The following TRPC5 variants were observed in gnomAD, a reference collection of about 807,000 sequenced individuals.
TRPC5 encodes the protein short transient receptor potential channel 5.
A neutral mutation model predicts 56.5 loss-of-function variants in TRPC5; 9 were observed. The observed-to-expected ratio is 0.16, with a 90% CI of 0.10 to 0.28. TRPC5 has a LOEUF of 0.28. TRPC5 is among the 10% of genes least tolerant of loss of function. The probability of loss-of-function intolerance (pLI) is 1.00; values close to 1 mark genes in which losing one functional copy is unlikely to be tolerated. For missense variants in TRPC5, 469 were observed against 748.9 expected (o/e 0.63, Z 4.36); for synonymous variants, 282 against 278.5 (o/e 1.01, Z -0.13).
rs188091210 is a variant in TRPC5 at position 111,894,247 on chromosome X, G to A, written c.900+18044C>T. Among the ~76,000 whole-genome samples the A allele has an allele frequency of 3.5e-3, 388 of 111,735 alleles. 2 individuals carry two copies. The highest frequency in any genetic ancestry group is 0.012 in the African/African-American group (379 of 30,810). On this transcript the variant is annotated intron_variant, in intron 3 of 10. Transcript: ENST00000262839. ...TATAAAGATAGACCCAGAGGATTTG[G>A]ATTTCTTTGCTCCTTTTCCATCCTA...
intron 7 of TRPC5, among the ~76,000 whole-genome samples, chrX:111,826,019 A>G (rs1922225489): frequency 1.8e-5 from 2 of 112,243 alleles, no homozygotes; most frequent in Admixed American, 1.9e-4. Flanking sequence ...TAGACCTGAG[A>G]GTAAGCAGCA....
chrX:111,794,249 G>C (rs995546679), intron 7 of TRPC5, among the ~76,000 whole-genome samples: 1 of 111,464 alleles, frequency 9.0e-6, no homozygotes, highest in Non-Finnish European at 1.9e-5. Context: ...AATCAGTTGG[G>C]GATATTTGTG....
chrX:112,074,961 C>G (rs1320480776), intron 1 of TRPC5, among the ~76,000 whole-genome samples: 2 of 112,229 alleles, frequency 1.8e-5, no homozygotes, highest in Non-Finnish European at 3.7e-5. Context: ...ATGTGAAAAT[C>G]CTCTCTTTTG....
At chrX:111,954,637 C>T (rs1033446966) in intron 1 of TRPC5, among the ~76,000 whole-genome samples, 1 of 111,916 alleles carries the variant, frequency 8.9e-6, no homozygotes, top group Non-Finnish European at 1.9e-5. Context: ...TGGTCTTGAA[C>T]ACTTGCTGCC....
At chrX:111,998,102 G>T (rs956243767) in intron 1 of TRPC5, among the ~76,000 whole-genome samples, 1 of 111,103 alleles carries the variant, frequency 9.0e-6, no homozygotes, top group Non-Finnish European at 1.9e-5. Context: ...CAGCTTTTCT[G>T]CTCTGGTCTC....
At chrX:112,056,724 C>G (rs1930348746) in intron 1 of TRPC5, among the ~76,000 whole-genome samples, 1 of 112,026 alleles carries the variant, frequency 8.9e-6, no homozygotes, top group Admixed American at 9.5e-5. Flanking sequence ...GGCATATGTT[C>G]ACTCTAACTC....
intron 1 of TRPC5, among the ~76,000 whole-genome samples, chrX:111,959,872 A>T (rs1007345998): frequency 4.5e-5 from 5 of 111,590 alleles, no homozygotes; most frequent in Non-Finnish European, 7.5e-5. Flanking sequence ...GTATCATATT[A>T]TAAGTGGTAA....
At chrX:112,001,919 C>T (rs903608171) in intron 1 of TRPC5, among the ~76,000 whole-genome samples, 18 of 111,971 alleles carry the variant, frequency 1.6e-4, no homozygotes, top group African/African-American at 5.5e-4. Context: ...TCTTTTCTCT[C>T]GCACGTCACG....
intron 1 of TRPC5, among the ~76,000 whole-genome samples, chrX:111,963,561 G>A (rs1314683143): frequency 3.6e-5 from 4 of 112,048 alleles, no homozygotes; most frequent in African/African-American, 1.3e-4. Flanking sequence ...AAGCCTAACT[G>A]GGAGGCACCC....
chrX:111,927,149 C>A (rs145584666), intron 2 of TRPC5, among the ~76,000 whole-genome samples: 2,731 of 111,889 alleles, frequency 0.024, 96 homozygotes, highest in African/African-American at 0.084. Flanking sequence ...TTGTGGGGAG[C>A]CATCCTGTTC....
intron 1 of TRPC5, among the ~76,000 whole-genome samples, chrX:111,953,433 G>A (rs890982197): frequency 2.7e-5 from 3 of 112,062 alleles, no homozygotes; most frequent in Admixed American, 9.4e-5. Context: ...AGAATGAATC[G>A]CAGTATAGAG....
intron 3 of TRPC5, among the ~76,000 whole-genome samples, chrX:111,857,680 A>G (rs1923280585): frequency 1.8e-5 from 2 of 112,455 alleles, no homozygotes; most frequent in African/African-American, 6.5e-5. Flanking sequence ...TTGCAGTGCA[A>G]ACTCAGCCAT....
At chrX:112,033,333 T>C (rs1337121101) in intron 1 of TRPC5, among the ~76,000 whole-genome samples, 4 of 108,857 alleles carry the variant, frequency 3.7e-5, no homozygotes, top group Non-Finnish European at 7.6e-5. Context: ...CAAACCTGCA[T>C]GTTGTGCACA....
intron 3 of TRPC5, chrX:111,902,180 G>C: frequency 9.1e-7 from 1 of 1,103,805 alleles, no homozygotes; most frequent in Non-Finnish European, 1.2e-6. Context: ...CTTAACAGGT[G>C]ACTAAGACCC....
intron 3 of TRPC5, among the ~76,000 whole-genome samples, chrX:111,898,251 T>TTATATATA (rs58112324): frequency 1.6e-4 from 15 of 92,395 alleles, no homozygotes; most frequent in African/African-American, 5.9e-4. Context: ...GTAGGGGTTC[T>TTATATATA]TATATATATA....
intron 1 of TRPC5, among the ~76,000 whole-genome samples, chrX:111,956,756 T>C (rs1168842635): frequency 2.7e-5 from 3 of 111,568 alleles, no homozygotes; most frequent in African/African-American, 9.8e-5. Flanking sequence ...AACTCCAAAG[T>C]CCATCTAGAA....
At chrX:111,834,072 A>G (rs1922492224) in intron 7 of TRPC5, among the ~76,000 whole-genome samples, 1 of 111,910 alleles carries the variant, frequency 8.9e-6, no homozygotes, top group South Asian at 3.8e-4. Flanking sequence ...TAGGAATTAT[A>G]TGCAGATTAA....
chrX:111,866,811 A>T (rs1923562781), intron 3 of TRPC5, among the ~76,000 whole-genome samples: 1 of 112,590 alleles, frequency 8.9e-6, no homozygotes, highest in South Asian at 3.7e-4. Flanking sequence ...TTGTTTCTAC[A>T]GCTGTCTAAA....
At chrX:111,785,148 C>T (rs1945951610) in intron 7 of TRPC5, among the ~76,000 whole-genome samples, 1 of 112,178 alleles carries the variant, frequency 8.9e-6, no homozygotes, top group Non-Finnish European at 1.9e-5. Context: ...GCCTGAGAGA[C>T]ACCTCATATA....
Sources: gnomAD v4.1 joint callset for allele counts (sites outside exome capture counted in the v4.1 genomes callset) on GRCh38, gnomAD v4.1.1 for gene constraint, MANE v1.5 for transcripts, NCBI Gene and HGNC (gene_info 2026-07-23, HGNC 2026-07-21) for gene names.